Variants in ZFP91 observed in about 807,000 individuals in gnomAD.
ZFP91 encodes the protein ZFP91 zinc finger protein, atypical E3 ubiquitin ligase.
Under a neutral mutation model 63.5 loss-of-function variants are expected in ZFP91, and 7 were observed. The ratio of observed to expected loss-of-function variants is 0.11; its 90% CI spans 0.06 to 0.21. The LOEUF (loss-of-function observed/expected upper bound fraction) is 0.21. ZFP91 is among the 10% of genes least tolerant of loss of function. The pLI is 1.00. For synonymous variants in ZFP91, 330 were observed against 272.1 expected (o/e 1.21, Z -2.10); for missense variants, 628 against 736.6 (o/e 0.85, Z 1.71).
intron 2 of ZFP91, among the ~76,000 whole-genome samples, chr11:58,593,904 C>T (rs978189881): frequency 2.0e-5 from 3 of 152,200 alleles, no homozygotes; most frequent in African/African-American, 7.2e-5. Flanking sequence ...AGTCCTGTCT[C>T]GTCTGTTTCC....
At chr11:58,592,839 G>A (rs905352554) in intron 2 of ZFP91, among the ~76,000 whole-genome samples, 7 of 152,162 alleles carry the variant, frequency 4.6e-5, no homozygotes, top group Admixed American at 4.6e-4. Context: ...TCTGACTCAT[G>A]GTTCTGCAGG....
At chr11:58,581,603 C>A (rs1590607158) in intron 1 of ZFP91, among the ~76,000 whole-genome samples, 2 of 152,330 alleles carry the variant, frequency 1.3e-5, no homozygotes, top group Admixed American at 6.5e-5. Context: ...TCAGGTGATC[C>A]ACCCGCCTCA....
intron 2 of ZFP91, among the ~76,000 whole-genome samples, chr11:58,608,697 C>T (rs771224066): frequency 1.3e-5 from 2 of 152,034 alleles, no homozygotes; most frequent in Non-Finnish European, 2.9e-5. Context: ...CTCCACCTCC[C>T]GGGTTCAAGT....
intron 2 of ZFP91, among the ~76,000 whole-genome samples, chr11:58,603,894 A>G (rs577409643): frequency 6.6e-6 from 1 of 152,204 alleles, no homozygotes; most frequent in African/African-American, 2.4e-5. Flanking sequence ...ACAGATGGAG[A>G]AGAATTTTGC....
chr11:58,593,199 T>A (rs902850723), intron 2 of ZFP91, among the ~76,000 whole-genome samples: 3 of 152,214 alleles, frequency 2.0e-5, no homozygotes, highest in African/African-American at 7.2e-5. Flanking sequence ...ATTACATATT[T>A]CACAGTTGCT....
chr11:58,584,121 A>G (rs1190552816), intron 1 of ZFP91, among the ~76,000 whole-genome samples: 2 of 152,178 alleles, frequency 1.3e-5, no homozygotes, highest in East Asian at 3.9e-4. Flanking sequence ...GGGTTTTTAA[A>G]AAAATCTTCA....
chr11:58,584,006 A>G (rs532145906), intron 1 of ZFP91, among the ~76,000 whole-genome samples: 4 of 152,148 alleles, frequency 2.6e-5, no homozygotes, highest in African/African-American at 4.8e-5. Flanking sequence ...TTTGAATTTT[A>G]GTAGTAAGTA....
intron 2 of ZFP91, among the ~76,000 whole-genome samples, chr11:58,596,190 A>G (rs1464168559): frequency 6.6e-6 from 1 of 152,228 alleles, no homozygotes; most frequent in Non-Finnish European, 1.5e-5. Flanking sequence ...TATATTTACT[A>G]TTCATTAAGT....
chr11:58,609,479 G>C (rs1855622404), intron 2 of ZFP91, among the ~76,000 whole-genome samples: 1 of 152,080 alleles, frequency 6.6e-6, no homozygotes, highest in South Asian at 2.1e-4. Context: ...TGTAGTTCTG[G>C]TCATCTTTTT....
In ZFP91 at chr11:58,617,094, G is replaced by GTGTGTGTGTGTA. The variant is rs1278942590; in HGVS notation, c.1203-97_1203-96insGTGTGTATGTGT. ...ATTGTGTGTGTGTGTGTGTGTGTGT[G>GTGTGTGTGTGTA]TGTGTATGTATATATATGCTCTAAA... On this transcript the variant is annotated intron_variant, in intron 10 of 10. Coordinates refer to ENST00000316059, the MANE Select transcript of ZFP91 (RefSeq NM_053023.5). This position sits in a 1 kb window ranked among gnomAD's most constrained non-coding sequence, Gnocchi z 4.2. 22 of 1,006,668 alleles carry GTGTGTGTGTGTA rather than the reference G, an allele frequency of 2.2e-5. No individual in the cohort carries two copies. In the East Asian group the frequency reaches 3.7e-4, roughly 17 times the overall value. The allele number at this position is 1,006,668 out of a possible 1,614,324, so 62.4% of individuals were successfully genotyped here.
At position 58,611,753 on chromosome 11, in the gene ZFP91, A is replaced by T; in HGVS notation, c.857+15A>T. 6.3e-7 allele frequency: 1 copy of T among 1,582,610 alleles called. No homozygotes were observed. The highest frequency in any genetic ancestry group is 1.2e-5 in the South Asian group (1 of 84,928). On this transcript the variant is annotated intron_variant, in intron 6 of 10. Transcript: ENST00000316059. ...CCTCCAAGGAAGTGAGTAGGCAATT[A>T]TTAAAAATGAAAATCTAACAGATTT...
At position 58,611,312 on chromosome 11, in the gene ZFP91, A is replaced by T. The variant is rs535433222; in HGVS notation, c.722+258A>T. ...GTTTTATTTCAACAAGGTATCATGA[A>T]TTGCCTGAATACTTAGAATTTTTTA... On this transcript the variant is annotated intron_variant, in intron 5 of 10. Transcript: ENST00000316059. 6.2e-6 allele frequency: 3 copies of T among 485,578 alleles called. No individual in the cohort carries two copies. The East Asian group carries it at 9.8e-5, about 16-fold the overall frequency. The allele number at this position is 485,578 out of a possible 1,614,324, so 30.1% of individuals were successfully genotyped here.
intron 2 of ZFP91, among the ~76,000 whole-genome samples, chr11:58,588,068 A>C (rs1855241868): frequency 1.3e-5 from 2 of 152,266 alleles, no homozygotes; most frequent in South Asian, 4.1e-4. Context: ...AACCTATTTG[A>C]CTTATAAGAC....
chr11:58,593,981 A>T (rs1414753411), intron 2 of ZFP91, among the ~76,000 whole-genome samples: 1 of 152,150 alleles, frequency 6.6e-6, no homozygotes, highest in Non-Finnish European at 1.5e-5. Flanking sequence ...AGCCATTATT[A>T]TCTGTTGCCT....
At chr11:58,583,724 T>G (rs971616519) in intron 1 of ZFP91, among the ~76,000 whole-genome samples, 39 of 152,196 alleles carry the variant, frequency 2.6e-4, no homozygotes, top group African/African-American at 9.1e-4. Flanking sequence ...ATTGGGACAT[T>G]GGTAATGTGA....
At chr11:58,583,204 T>TA (rs2134387346) in intron 1 of ZFP91, among the ~76,000 whole-genome samples, 1 of 152,256 alleles carries the variant, frequency 6.6e-6, no homozygotes, top group Non-Finnish European at 1.5e-5. Context: ...TTTTCATTCT[T>TA]ACATGTAATA....
chr11:58,621,330 G>A lies in ZFP91; in HGVS notation c.*3624G>A, dbSNP rs1442782027. Reference sequence around the variant, plus strand: ...TAGTAGATGGAAAATTAAGGATTATGTGAGGTTAATTTTACCCTGATAATG... The same window carrying A: ...TAGTAGATGGAAAATTAAGGATTATATGAGGTTAATTTTACCCTGATAATG... On this transcript the variant is annotated 3_prime_UTR_variant, in exon 11 of 11. Transcript: ENST00000316059. Among the ~76,000 whole-genome samples, 3 of 152,174 alleles carry A rather than the reference G, an allele frequency of 2.0e-5. No homozygotes were observed. Among genetic ancestry groups the A allele is most frequent in the Admixed American group, 2.0e-4 (3 of 15,276 alleles).
chr11:58,615,663 A>G (rs920174382), intron 9 of ZFP91, among the ~76,000 whole-genome samples: 5 of 152,294 alleles, frequency 3.3e-5, no homozygotes, highest in African/African-American at 1.2e-4. Flanking sequence ...AGACCTTGCT[A>G]TATAAAGTAT....
rs771389042 is a variant in ZFP91, at chr11:58,579,353, G to A, written c.72G>A (p.Ala24=). The stretch of plus-strand genomic sequence containing the variant: ...AGGAAGGGGGAGAGGCGGCCAAGGC[G>A]GCTCCGGAGGAGCCCCAACAACGGC... The part of the protein sequence containing the change: ...QDQEGGEAAK[A]APEEPQQRPP... The change falls in exon 1 of 11, where the codon GCG becomes GCA. Residue 24 remains alanine, a synonymous_variant. Transcript: ENST00000316059. 3.3e-6 allele frequency: 5 copies of A among 1,493,778 alleles called. No homozygotes were observed. In the South Asian group the frequency reaches 5.0e-5, roughly 15 times the overall value. The allele number at this position is 1,493,778 out of a possible 1,614,324, so 92.5% of individuals were successfully genotyped here.
Sources: allele counts gnomAD v4.1 joint callset (sites outside exome capture counted in the v4.1 genomes callset), GRCh38; gene constraint gnomAD v4.1.1; non-coding constraint Gnocchi (gnomAD v3.1); transcripts MANE v1.5; gene names NCBI Gene and HGNC (gene_info 2026-07-23, HGNC 2026-07-21).